MERTK: variants seen among roughly 807,000 people sequenced by gnomAD.
The protein encoded by MERTK is MER proto-oncogene, tyrosine kinase.
Under a neutral mutation model 99.3 loss-of-function variants are expected in MERTK, and 69 were observed. That is an observed-to-expected ratio of 0.70 (90% CI 0.57 to 0.85). MERTK has a LOEUF of 0.85. MERTK is among the 40% of genes least tolerant of loss of function. MERTK has a pLI of 0.00. For missense variants in MERTK, 1,125 were observed against 1,249.4 expected (o/e 0.90, Z 1.50); for synonymous variants, 426 against 467.6 (o/e 0.91, Z 1.15).
chr2:112,017,911 C>A (rs1216604308), intron 15 of MERTK, among the ~76,000 whole-genome samples: 1 of 152,080 alleles, frequency 6.6e-6, no homozygotes, highest in Non-Finnish European at 1.5e-5. Flanking sequence ...AATACAAAAC[C>A]CAACTCAAAA....
At chr2:111,989,096 C>T (rs1448750769) in intron 8 of MERTK, among the ~76,000 whole-genome samples, 1 of 152,166 alleles carries the variant, frequency 6.6e-6, no homozygotes, top group African/African-American at 2.4e-5. Context: ...TCAGAACCCC[C>T]CTACTCGTTC....
intron 5 of MERTK, among the ~76,000 whole-genome samples, 195 bp from the exon 6 acceptor site, chr2:111,967,942 G>A (rs1345794862): frequency 6.6e-6 from 1 of 152,132 alleles, no homozygotes; most frequent in Non-Finnish European, 1.5e-5. Flanking sequence ...CCCTTCACTG[G>A]AAGACTTCTT....
intron 3 of MERTK, among the ~76,000 whole-genome samples, chr2:111,946,194 G>T (rs1309902715): frequency 6.6e-6 from 1 of 152,044 alleles, no homozygotes. Flanking sequence ...TCTTTCTCAG[G>T]GTTACGTCAA....
rs1195839932 is a variant in MERTK, at chr2:111,941,004, G to A, written c.483-3956G>A. The A allele has an allele frequency of 1.2e-5, 7 of 566,812 alleles. No individual in the cohort carries two copies. The East Asian group carries it at 2.3e-4, about 19-fold the overall frequency. The allele number at this position is 566,812 out of a possible 1,614,324, so 35.1% of individuals were successfully genotyped here. On this transcript the variant is annotated intron_variant, in intron 2 of 18. Transcript: ENST00000295408. The stretch of plus-strand genomic sequence containing the variant: ...TGCAGTTGAAACCGGCGGGGTTGTG[G>A]TAGTCAAGAGCCGTCAGCTTTCATT...
At chr2:111,999,467 T>G (rs1298407728) in intron 10 of MERTK, among the ~76,000 whole-genome samples, 1 of 151,990 alleles carries the variant, frequency 6.6e-6, no homozygotes, top group Non-Finnish European at 1.5e-5. Flanking sequence ...TCTGGCTAAT[T>G]TTCTTACTTT....
chr2:111,946,088 AG>A (rs1684956934), intron 3 of MERTK, among the ~76,000 whole-genome samples: 1 of 152,088 alleles, frequency 6.6e-6, no homozygotes, highest in Admixed American at 6.6e-5. Flanking sequence ...TGGAAGGAGG[AG>A]GAGTGAGTGG....
intron 1 of MERTK, among the ~76,000 whole-genome samples, chr2:111,921,464 C>T (rs1430594650): frequency 4.0e-5 from 6 of 150,884 alleles, no homozygotes; most frequent in Non-Finnish European, 8.8e-5. Context: ...CACACCACTG[C>T]ACTCCAGCCT....
At chr2:111,953,081 G>A (rs1178072512) in intron 4 of MERTK, among the ~76,000 whole-genome samples, 1 of 152,204 alleles carries the variant, frequency 6.6e-6, no homozygotes, top group Non-Finnish European at 1.5e-5. Context: ...GAAATGACCA[G>A]TAGGAGAGCA....
At position 111,972,094 on chromosome 2, in the gene MERTK, A is replaced by C. The variant is rs928851848; in HGVS notation, c.961-3195A>C. 2.3e-4 allele frequency among the ~76,000 whole-genome samples: 35 copies of C among 152,258 alleles called. 1 individual carries two copies. The highest frequency in any genetic ancestry group is 7.5e-4 in the African/African-American group (31 of 41,560). On this transcript the variant is annotated intron_variant, in intron 6 of 18. Transcript: ENST00000295408. ...TGCCCAGGCTGGAATGCAATGGCAC[A>C]GTCTCAACTCACTGCCACCTCTGCC...
intron 2 of MERTK, among the ~76,000 whole-genome samples, chr2:111,931,689 G>GAA (rs529477616): frequency 1.9e-5 from 2 of 107,074 alleles, no homozygotes; most frequent in African/African-American, 6.8e-5. Flanking sequence ...CATCTCAAAA[G>GAA]AAAAAAAAAA....
chr2:111,940,900 CCT>C (rs777733740), intron 2 of MERTK: 1 of 699,244 alleles, frequency 1.4e-6, no homozygotes, highest in Non-Finnish European at 2.7e-6. Flanking sequence ...TCTTAAATTA[CCT>C]CTGTCTTCAG....
chr2:111,911,701 T>C (rs1457742542), intron 1 of MERTK, among the ~76,000 whole-genome samples: 1 of 140,094 alleles, frequency 7.1e-6, no homozygotes, highest in African/African-American at 2.7e-5. Flanking sequence ...TTTTTTTTTT[T>C]TTTTTTTTTT....
At chr2:111,903,303 G>A (rs1184005929) in intron 1 of MERTK, among the ~76,000 whole-genome samples, 1 of 152,154 alleles carries the variant, frequency 6.6e-6, no homozygotes, top group Non-Finnish European at 1.5e-5. Flanking sequence ...AATTGCTGGA[G>A]CTCCCATGCC....
chr2:111,975,148 A>C (rs985061482), intron 6 of MERTK, 141 bp from the exon 7 acceptor site: 1 of 813,738 alleles, frequency 1.2e-6, no homozygotes, highest in Non-Finnish European at 2.2e-6. Context: ...TAGCGGTAAA[A>C]TGTGTGTGTG....
chr2:111,953,898 A>G (rs1279935103), intron 4 of MERTK, among the ~76,000 whole-genome samples: 1 of 152,114 alleles, frequency 6.6e-6, no homozygotes, highest in Admixed American at 6.5e-5. Context: ...CTCAAATGTC[A>G]ATTGTGCTCA....
At chr2:111,922,590 A>AG (rs1310926497) in intron 1 of MERTK, among the ~76,000 whole-genome samples, 1 of 152,224 alleles carries the variant, frequency 6.6e-6, no homozygotes, top group Non-Finnish European at 1.5e-5. Flanking sequence ...CCAGCAGGCC[A>AG]GGGTTCAGAT....
At chr2:111,977,328 G>A (rs2104735924) in intron 7 of MERTK, among the ~76,000 whole-genome samples, 1 of 152,136 alleles carries the variant, frequency 6.6e-6, no homozygotes, top group East Asian at 1.9e-4. Context: ...AGAACTGTAG[G>A]TTCACAATTT....
intron 1 of MERTK, among the ~76,000 whole-genome samples, chr2:111,901,547 TTTTC>T (rs1162040624): frequency 5.4e-5 from 8 of 149,030 alleles, no homozygotes; most frequent in African/African-American, 9.9e-5. Flanking sequence ...AATTCTTTTC[TTTTC>T]TTTCTTTCTT....
intron 1 of MERTK, among the ~76,000 whole-genome samples, chr2:111,927,553 T>G (rs1186134282): frequency 1.3e-5 from 2 of 152,160 alleles, no homozygotes; most frequent in Admixed American, 1.3e-4. Flanking sequence ...GAGCCTATAG[T>G]ACAACCTACT....
Sources: allele counts gnomAD v4.1 joint callset (sites outside exome capture counted in the v4.1 genomes callset), GRCh38; gene constraint gnomAD v4.1.1; transcripts MANE v1.5; gene names NCBI Gene and HGNC (gene_info 2026-07-23, HGNC 2026-07-21).